TRIM41: variants seen among roughly 807,000 people sequenced by gnomAD.
The protein encoded by TRIM41 is E3 ubiquitin-protein ligase TRIM41.
Under a neutral mutation model 60.6 loss-of-function variants are expected in TRIM41, and 21 were observed. The ratio of observed to expected loss-of-function variants is 0.35; its 90% CI spans 0.25 to 0.50. TRIM41 has a LOEUF of 0.50. Ranked by LOEUF, TRIM41 falls within the 20% of genes least tolerant of loss-of-function variation. The pLI, the probability that TRIM41 is intolerant of heterozygous loss-of-function variation, is 0.98. For synonymous variants in TRIM41, 407 were observed against 344.9 expected (o/e 1.18, Z -2.00); for missense variants, 846 against 868.3 (o/e 0.97, Z 0.32).
chr5:181,234,555 G>T lies in TRIM41; in HGVS notation c.1673G>T (p.Arg558Leu). ...TGGTGCGTGGGCACCAACGGCAAAC[G>T]CTATCAGGCCCAGAGCTCCACAGAA... Reference protein sequence around the residue: ...EVWCVGTNGKRYQAQSSTEQT... With the variant: ...EVWCVGTNGKLYQAQSSTEQT... Residue 558 changes from arginine to leucine, a missense_variant, in exon 6 of 6, where the codon CGC becomes CTC. Physicochemically the swap from Arg to Leu is moderately radical, Grantham distance 102. Transcript: ENST00000315073. This position sits in a 1 kb window ranked among gnomAD's most constrained non-coding sequence, Gnocchi z 5.6. 2 of 1,614,208 alleles carry T rather than the reference G, an allele frequency of 1.2e-6. No homozygotes were observed. The highest frequency in any genetic ancestry group is 1.7e-6 in the Non-Finnish European group (2 of 1,180,018).
chr5:181,223,812 T>C lies in TRIM41; in HGVS notation c.-188T>C, dbSNP rs1415636363. 2 of 630,348 alleles carry C rather than the reference T, an allele frequency of 3.2e-6. No homozygotes were observed. The highest frequency in any genetic ancestry group is 2.7e-5 in the East Asian group (1 of 36,472). 39.0% of individuals were successfully genotyped at this position (630,348 alleles called of 1,614,324 possible). On this transcript the variant is annotated 5_prime_UTR_variant, in exon 1 of 6. Transcript: ENST00000315073. ...GTCCCCTCCCCTCGTAGAGACACGG[T>C]TGTCGTTTGGGAGTAGGGAACACTG...
rs1027634110 is a variant in TRIM41 at position 181,235,732 on chromosome 5, T to C, written c.*957T>C. On this transcript the variant is annotated 3_prime_UTR_variant, in exon 6 of 6. Transcript: ENST00000315073. The stretch of plus-strand genomic sequence containing the variant: ...CACTTGCAGCTTTCGCCCTCTGCTT[T>C]GATGGCTGAGGTGAACTCATGTTCT... 5 of 283,356 alleles carry C rather than the reference T, an allele frequency of 1.8e-5. No individual in the cohort carries two copies. The highest frequency in any genetic ancestry group is 1.1e-4 in the African/African-American group (5 of 46,964). The allele number at this position is 283,356 out of a possible 1,614,324, so 17.6% of individuals were successfully genotyped here. A position where few individuals can be genotyped will look rare whatever the true frequency, so the allele number is the denominator to read the frequency against.
Position 181,223,335 on chromosome 5 carries a change from T to G in TRIM41, c.-665T>G. On this transcript the variant is annotated 5_prime_UTR_variant, in exon 1 of 6. Transcript: ENST00000315073. Reference sequence around the variant, plus strand: ...GCTGCAGTCGGCTGTGCCGGGAGGGTAGGATGGCGTCTGGCCGATGCGGTG... The same window carrying G: ...GCTGCAGTCGGCTGTGCCGGGAGGGGAGGATGGCGTCTGGCCGATGCGGTG... 2.5e-6 allele frequency: 1 copy of G among 398,862 alleles called. No individual in the cohort carries two copies. 24.7% of individuals were successfully genotyped at this position (398,862 alleles called of 1,614,324 possible).
In TRIM41 at chr5:181,224,536, G is replaced by T. The variant is rs756118913; in HGVS notation, c.537G>T (p.Arg179Ser). The change falls in exon 1 of 6, where the codon AGG becomes AGT. Residue 179 changes from arginine (R) to serine (S), a missense_variant. Physicochemically the swap from Arg to Ser is moderately radical, Grantham distance 110. Coordinates refer to ENST00000315073, the MANE Select transcript of TRIM41 (RefSeq NM_033549.5). ...TGCCCCCGCCTCCAGCCCCTCGGAG[G>T]TGCTTCACATGCCCTCAGTGCCGAA... ...TPLPPPPAPR[R>S]CFTCPQCRKS... is the part of the protein sequence containing the mutation. 4 of 1,612,824 alleles carry T rather than the reference G, an allele frequency of 2.5e-6. No homozygotes were observed. Among genetic ancestry groups the T allele is most frequent in the Middle Eastern group, 1.7e-4 (1 of 6,056 alleles).
Position 181,224,509 on chromosome 5 carries a change from A to G in TRIM41, c.510A>G (p.Pro170=). 1 of 1,612,084 alleles carries G rather than the reference A, an allele frequency of 6.2e-7. No individual in the cohort carries two copies. Among genetic ancestry groups the G allele is most frequent in the Non-Finnish European group, 8.5e-7 (1 of 1,178,438 alleles). Residue 170 remains proline, a synonymous_variant, in exon 1 of 6, where the codon CCA becomes CCG. Transcript: ENST00000315073. Reference sequence around the variant, plus strand: ...AAGAGGATCTAGACCCCGTCACCCCACTGCCCCCGCCTCCAGCCCCTCGGA... The same window carrying G: ...AAGAGGATCTAGACCCCGTCACCCCGCTGCCCCCGCCTCCAGCCCCTCGGA... The part of the protein sequence containing the change: ...VEEEDLDPVT[P]LPPPPAPRRC...
intron 1 of TRIM41, chr5:181,225,058 G>A (rs878908314): frequency 1.7e-6 from 1 of 576,170 alleles, no homozygotes; most frequent in South Asian, 2.0e-5. Context: ...GAGCAAAGCC[G>A]GTGATGCCAG....
chr5:181,225,336 T>G (rs530486941), intron 1 of TRIM41: 4 of 164,234 alleles, frequency 2.4e-5, no homozygotes, highest in Admixed American at 2.2e-4. Context: ...TCTTATGCAC[T>G]GACTAGAAAG....
intron 3 of TRIM41, 58 bp downstream of exon 3, chr5:181,232,947 T>C (rs1349371917): frequency 6.7e-7 from 1 of 1,491,572 alleles, no homozygotes. Context: ...CAGGCAGTGC[T>C]TACCAAACGC....
chr5:181,230,339 AT>A (rs1758736301), intron 1 of TRIM41: 1 of 161,506 alleles, frequency 6.2e-6, no homozygotes, highest in Non-Finnish European at 1.4e-5. Flanking sequence ...TCTACTAAAA[AT>A]AAAAAAATTA....
Position 181,234,362 on chromosome 5 carries a change from G to A in TRIM41, c.1480G>A (p.Gly494Arg), listed in dbSNP as rs868170336. 4 of 1,581,366 alleles carry A rather than the reference G, an allele frequency of 2.5e-6. No homozygotes were observed. Among genetic ancestry groups the A allele is most frequent in the Non-Finnish European group, 3.4e-6 (4 of 1,165,308 alleles). The change falls in exon 6 of 6, where the codon GGG becomes AGG. Residue 494 changes from glycine (G) to arginine (R), a missense_variant. Coordinates refer to ENST00000315073, the MANE Select transcript of TRIM41 (RefSeq NM_033549.5). This position sits in a 1 kb window ranked among gnomAD's most constrained non-coding sequence, Gnocchi z 5.6. ...GRHYWEVEVG[G>R]RRGWAVGAAR... is the part of the protein sequence containing the mutation. ...GCACTACTGGGAGGTAGAGGTGGGC[G>A]GGCGGCGGGGCTGGGCGGTGGGTGC...
In TRIM41 at chr5:181,234,936, C is replaced by T; in HGVS notation, c.*161C>T. ...GGCCCCTGCTTCTCCCTCTAGGAGCCTAAAGAACCCTCCTGGCCTCCAGCT... is the reference window on the plus strand; with the variant it reads ...GGCCCCTGCTTCTCCCTCTAGGAGCTTAAAGAACCCTCCTGGCCTCCAGCT... On this transcript the variant is annotated 3_prime_UTR_variant, in exon 6 of 6. Transcript: ENST00000315073. This position sits in a 1 kb window ranked among gnomAD's most constrained non-coding sequence, Gnocchi z 5.6. 2 of 1,613,874 alleles carry T rather than the reference C, an allele frequency of 1.2e-6. No individual in the cohort carries two copies. Among genetic ancestry groups the T allele is most frequent in the Admixed American group, 1.7e-5 (1 of 60,014 alleles).
In TRIM41 at chr5:181,234,034, C is replaced by T. The variant is rs1758931323; in HGVS notation, c.1292-140C>T. ...AACAAGAGTGAGGAGCAAGATGAGC[C>T]TGCAGGAATCTGAGGCTGGCCTCTG... On this transcript the variant is annotated intron_variant, in intron 5 of 5. Transcript: ENST00000315073. The surrounding 1 kb of genome is among the most constrained non-coding windows in gnomAD (Gnocchi z 5.6). 4.0e-5 allele frequency: 58 copies of T among 1,436,804 alleles called. No individual in the cohort carries two copies. Among genetic ancestry groups the T allele is most frequent in the Non-Finnish European group, 5.5e-5 (57 of 1,044,300 alleles). The allele number at this position is 1,436,804 out of a possible 1,614,324, so 89.0% of individuals were successfully genotyped here. A position where few individuals can be genotyped will look rare whatever the true frequency, so the allele number is the denominator to read the frequency against.
In TRIM41 at chr5:181,234,783, G is replaced by A. The variant is rs1758999072; in HGVS notation, c.*8G>A. ...ATCAAGCTCTGCCCTTGATTATCCT[G>A]CCACCCGCAGGGGCCCCTCTGTCAG... On this transcript the variant is annotated 3_prime_UTR_variant, in exon 6 of 6. Transcript: ENST00000315073. The surrounding 1 kb of genome is among the most constrained non-coding windows in gnomAD (Gnocchi z 5.6). The A allele has an allele frequency of 3.1e-6, 5 of 1,607,406 alleles. No homozygotes were observed. Among genetic ancestry groups the A allele is most frequent in the Non-Finnish European group, 4.3e-6 (5 of 1,176,360 alleles).
chr5:181,223,577 C>G lies in TRIM41; in HGVS notation c.-423C>G. ...GCCATTTCCTGTCGCCCTGGGGCCC[C>G]GCGGGGAAAAAGGGGGAGTAGCAGG... On this transcript the variant is annotated 5_prime_UTR_variant, in exon 1 of 6. Transcript: ENST00000315073. 2.2e-6 allele frequency: 1 copy of G among 448,252 alleles called. No homozygotes were observed. Among genetic ancestry groups the G allele is most frequent in the Non-Finnish European group, 3.9e-6 (1 of 254,436 alleles). The allele number at this position is 448,252 out of a possible 1,614,324, so 27.8% of individuals were successfully genotyped here.
In TRIM41 at chr5:181,224,009, G is replaced by C. The variant is rs1357227176; in HGVS notation, c.10G>C (p.Val4Leu). The C allele has an allele frequency of 6.2e-7, 1 of 1,611,092 alleles. No individual in the cohort carries two copies. The highest frequency in any genetic ancestry group is 8.5e-7 in the Non-Finnish European group (1 of 1,177,696). ...CTGGCTGGACACTAAGATGGCTGCCGTTGCCATGACACCCAACCCTGTGCA... is the reference window on the plus strand; with the variant it reads ...CTGGCTGGACACTAAGATGGCTGCCCTTGCCATGACACCCAACCCTGTGCA... MAA[V>L]AMTPNPVQTL... The change falls in exon 1 of 6, where the codon GTT becomes CTT. Residue 4 changes from valine to leucine, a missense_variant. Coordinates refer to ENST00000315073, the MANE Select transcript of TRIM41 (RefSeq NM_033549.5).
chr5:181,234,586 G>A lies in TRIM41; in HGVS notation c.1704G>A (p.Thr568=), dbSNP rs1255617907. The change falls in exon 6 of 6, where the codon ACG becomes ACA. Residue 568 remains threonine (T), a synonymous_variant. Coordinates refer to ENST00000315073, the MANE Select transcript of TRIM41 (RefSeq NM_033549.5). The surrounding 1 kb of genome is among the most constrained non-coding windows in gnomAD (Gnocchi z 5.6). ...RYQAQSSTEQ[T]LLSPSEKPRR... is the part of the protein sequence containing the mutation. ...AGGCCCAGAGCTCCACAGAACAGAC[G>A]CTGCTGAGCCCCAGTGAGAAACCAA... 28 of 1,614,078 alleles carry A rather than the reference G, an allele frequency of 1.7e-5. No individual in the cohort carries two copies. The highest frequency in any genetic ancestry group is 2.2e-5 in the Non-Finnish European group (26 of 1,180,024).
Position 181,235,186 on chromosome 5 carries a change from A to G in TRIM41, c.*411A>G, listed in dbSNP as rs1038417181. On this transcript the variant is annotated 3_prime_UTR_variant, in exon 6 of 6. Transcript: ENST00000315073. ...GAGGCTGGAGGGTTTGGGCAAGGCA[A>G]CATCCCCATTCCAATTCCATTTTCT... 30 of 1,539,850 alleles carry G rather than the reference A, an allele frequency of 1.9e-5. No individual in the cohort carries two copies. The African/African-American group carries it at 3.7e-4, about 19-fold the overall frequency.
chr5:181,228,461 G>A (rs957568430), intron 1 of TRIM41: 1 of 149,130 alleles, frequency 6.7e-6, no homozygotes, highest in Non-Finnish European at 1.5e-5. Flanking sequence ...GGGAGGCTGG[G>A]GCAAGAGAAT....
At position 181,235,239 on chromosome 5, in the gene TRIM41, A is replaced by G; in HGVS notation, c.*464A>G. On this transcript the variant is annotated 3_prime_UTR_variant, in exon 6 of 6. Transcript: ENST00000315073. Reference sequence around the variant, plus strand: ...TGCAGATTTTAGCTGAGGGATTTGGAAGCCATTTGGGGAGGCAGGCTGGGC... The same window carrying G: ...TGCAGATTTTAGCTGAGGGATTTGGGAGCCATTTGGGGAGGCAGGCTGGGC... 6.3e-7 allele frequency: 1 copy of G among 1,592,836 alleles called. No individual in the cohort carries two copies. The highest frequency in any genetic ancestry group is 1.7e-4 in the Middle Eastern group (1 of 5,898).
Sources: gnomAD v4.1 joint callset for allele counts on GRCh38, gnomAD v4.1.1 for gene constraint, Gnocchi (gnomAD v3.1) non-coding constraint, MANE v1.5 for transcripts, NCBI Gene and HGNC (gene_info 2026-07-23, HGNC 2026-07-21) for gene names.